The following SNX14 variants were observed in gnomAD, a reference collection of about 807,000 sequenced individuals.
The protein encoded by SNX14 is sorting nexin-14.
Under a neutral mutation model 133.8 loss-of-function variants are expected in SNX14, and 93 were observed. The observed-to-expected ratio is 0.70, with a 90% CI of 0.59 to 0.83. The LOEUF (loss-of-function observed/expected upper bound fraction) is 0.83, where lower values mean the gene tolerates loss of function less well. Ranked by LOEUF, SNX14 falls within the 40% of genes least tolerant of loss-of-function variation. The pLI is 0.00. For synonymous variants in SNX14, 368 were observed against 365.6 expected, an observed-to-expected ratio of 1.01 and a Z score of -0.07; for missense variants, 945 against 1,094.9, an observed-to-expected ratio of 0.86 and a Z score of 1.93.
rs28415884 is a variant in SNX14 at position 85,552,152 on chromosome 6, T to C, written c.635-2273A>G. ...CCCGGGTTCACGCCATTCTCCTGCC[T>C]CAGCCTCCCAAGTAGCTGGGACTAC... On this transcript the variant is annotated intron_variant, in intron 7 of 28. Coordinates refer to ENST00000314673, the MANE Select transcript of SNX14 (RefSeq NM_153816.6). 7.4e-4 allele frequency among the ~76,000 whole-genome samples: 109 copies of C among 146,708 alleles called. No individual in the cohort carries two copies. In the East Asian group the frequency reaches 0.021, roughly 28 times the overall value.
At chr6:85,589,730 G>T (rs544325771) in intron 1 of SNX14, 10 of 152,300 alleles carry the variant, frequency 6.6e-5, no homozygotes, top group African/African-American at 2.4e-4. Context: ...ATCCTGTGAG[G>T]TCACGCACAA....
rs568499328 is a variant in SNX14, at chr6:85,533,657, C to A, written c.1752G>T (p.Glu584Asp). 12 of 1,613,272 alleles carry A rather than the reference C, an allele frequency of 7.4e-6. No homozygotes were observed. In the African/African-American group the frequency reaches 1.2e-4, roughly 16 times the overall value. ...AAAACACAGGAATTCTTTCTTTTTT[C>A]TCCTTCCTTTCAGAGGAGGGATCCT... ...FFEDPSSERK[E>D]KKERIPVFCI... The change falls in exon 18 of 29, where the codon GAG (glutamate) becomes GAT (aspartate). Residue 584 changes from glutamate to aspartate, a missense_variant. Glu to Asp is a conservative substitution (Grantham distance 45). Coordinates refer to ENST00000314673, the MANE Select transcript of SNX14 (RefSeq NM_153816.6).
At chr6:85,512,298 G>C (rs1464189885) in intron 26 of SNX14, among the ~76,000 whole-genome samples, 1 of 152,100 alleles carries the variant, frequency 6.6e-6, no homozygotes, top group Non-Finnish European at 1.5e-5. Flanking sequence ...TGGGATCTTG[G>C]TCAAGGCCCT....
chr6:85,588,415 T>C (rs1422440949), intron 1 of SNX14, among the ~76,000 whole-genome samples: 1 of 150,156 alleles, frequency 6.7e-6, no homozygotes, highest in Non-Finnish European at 1.5e-5. Flanking sequence ...CTACTAAAAA[T>C]ACAAAAAAAA....
chr6:85,514,270 A>G lies in SNX14; in HGVS notation c.2393-36T>C, dbSNP rs1366477520. ...ATCAAATGGGATACCTCATTGTTCC[A>G]GATGAATTGGTATTTTTGAAATTTG... is the stretch of plus-strand genomic sequence containing the variant. On this transcript the variant is annotated intron_variant, in intron 24 of 28. Transcript: ENST00000314673. 5 of 1,571,024 alleles carry G rather than the reference A, an allele frequency of 3.2e-6. No homozygotes were observed. The African/African-American group carries it at 6.9e-5, about 22-fold the overall frequency.
chr6:85,547,234 TAA>T lies in SNX14; in HGVS notation c.994-10_994-9del, dbSNP rs776105101. 2.5e-6 allele frequency: 4 copies of T among 1,612,986 alleles called. No homozygotes were observed. In the Admixed American group the frequency reaches 5.0e-5, roughly 20 times the overall value. Reference sequence around the variant, plus strand: ...CAATTCTAACTTCAGCACCTTGATATAAGAGAAAGATTAAGTTTAAGCTATAT... The same window carrying T: ...CAATTCTAACTTCAGCACCTTGATATGAGAAAGATTAAGTTTAAGCTATAT... On this transcript the variant is annotated splice_polypyrimidine_tract_variant and intron_variant, in intron 11 of 28. Transcript: ENST00000314673.
intron 24 of SNX14, 87 bp from the exon 25 acceptor site, chr6:85,514,321 T>G (rs1167959947): frequency 1.2e-5 from 18 of 1,511,296 alleles, no homozygotes; most frequent in Non-Finnish European, 1.5e-5. Context: ...CAAATGACCA[T>G]GGTCAATATT....
chr6:85,585,070 T>A (rs532558310), intron 1 of SNX14, among the ~76,000 whole-genome samples: 1 of 152,096 alleles, frequency 6.6e-6, no homozygotes, highest in East Asian at 1.9e-4. Context: ...AAAGGATGAG[T>A]TCATGTCCTT....
intron 1 of SNX14, among the ~76,000 whole-genome samples, chr6:85,592,109 CA>C (rs1472485562): frequency 1.3e-5 from 2 of 152,194 alleles, no homozygotes; most frequent in Non-Finnish European, 2.9e-5. Flanking sequence ...TGACAGAAAG[CA>C]AATAATAATT....
At position 85,570,850 on chromosome 6, in the gene SNX14, C is replaced by T. The variant is rs547954578; in HGVS notation, c.417+1287G>A. On this transcript the variant is annotated intron_variant, in intron 4 of 28. Coordinates refer to ENST00000314673, the MANE Select transcript of SNX14 (RefSeq NM_153816.6). ...CCTGGGTGACAGAGCGAGATTCCGT[C>T]TCAAAAAAAAAAGAAACTTTACATT... Among the ~76,000 whole-genome samples, 13 of 151,134 alleles carry T rather than the reference C, an allele frequency of 8.6e-5. No individual in the cohort carries two copies. The South Asian group carries it at 2.7e-3, about 32-fold the overall frequency.
At chr6:85,510,307 T>C (rs1263505993) in intron 26 of SNX14, among the ~76,000 whole-genome samples, 1 of 152,234 alleles carries the variant, frequency 6.6e-6, no homozygotes, top group African/African-American at 2.4e-5. Context: ...GTGTTGGTGT[T>C]CTGGATCTGG....
intron 1 of SNX14, among the ~76,000 whole-genome samples, chr6:85,583,802 C>G (rs34936540): frequency 6.6e-6 from 1 of 152,006 alleles, no homozygotes; most frequent in Non-Finnish European, 1.5e-5. Context: ...GAATCAATAT[C>G]GTGAAAATGG....
chr6:85,578,044 G>A (rs1039458508), intron 1 of SNX14, among the ~76,000 whole-genome samples: 21 of 152,142 alleles, frequency 1.4e-4, no homozygotes, highest in African/African-American at 4.8e-4. Flanking sequence ...GTAACTGGAG[G>A]GGGAGAGTAA....
rs991280242 is a variant in SNX14 at position 85,528,265 on chromosome 6, T to C, written c.1992A>G (p.Leu664=). The change falls in exon 20 of 29, where the codon CTA becomes CTG. Residue 664 remains leucine (L), a synonymous_variant. Coordinates refer to ENST00000314673, the MANE Select transcript of SNX14 (RefSeq NM_153816.6). ...ATTAATACAGTTGATGTTATACCTG[T>C]AGATATTCTTGGAACTCTTCCCTCT... ...KSKREEFQEY[L]QKLLQHPELS... 1.3e-5 allele frequency: 21 copies of C among 1,604,280 alleles called. No individual in the cohort carries two copies. Among genetic ancestry groups the C allele is most frequent in the African/African-American group, 2.7e-5 (2 of 74,704 alleles).
chr6:85,537,345 G>T (rs1229993752), intron 16 of SNX14, among the ~76,000 whole-genome samples: 2 of 150,580 alleles, frequency 1.3e-5, no homozygotes, highest in African/African-American at 4.9e-5. Flanking sequence ...AAAATTATGC[G>T]ACAGAAAAAA....
In SNX14 at chr6:85,574,247, CAT is replaced by C; in HGVS notation, c.261+9_261+10del. Reference sequence around the variant, plus strand: ...ACATTGATTCTTAACAATAAGAACACATAATTTTACCTTGGGTTTGTATTTTA... The same window carrying C: ...ACATTGATTCTTAACAATAAGAACACAATTTTACCTTGGGTTTGTATTTTA... On this transcript the variant is annotated intron_variant, in intron 2 of 28. Coordinates refer to ENST00000314673, the MANE Select transcript of SNX14 (RefSeq NM_153816.6). 2 of 1,561,586 alleles carry C rather than the reference CAT, an allele frequency of 1.3e-6. No homozygotes were observed. Among genetic ancestry groups the C allele is most frequent in the Non-Finnish European group, 8.7e-7 (1 of 1,144,910 alleles).
chr6:85,543,321 CT>C lies in SNX14; in HGVS notation c.1265-16del. 6.5e-7 allele frequency: 1 copy of C among 1,548,306 alleles called. No individual in the cohort carries two copies. The highest frequency in any genetic ancestry group is 8.7e-7 in the Non-Finnish European group (1 of 1,153,676). The stretch of plus-strand genomic sequence containing the variant: ...GCCTTCAGCAACTATTAAAAAAATT[CT>C]ACTGTAGAAATTATTTATAAATAGC... On this transcript the variant is annotated splice_polypyrimidine_tract_variant and intron_variant, in intron 13 of 28. Transcript: ENST00000314673.
chr6:85,551,226 C>G (rs148600719), intron 7 of SNX14, among the ~76,000 whole-genome samples: 141 of 152,316 alleles, frequency 9.3e-4, no homozygotes, highest in African/African-American at 3.4e-3. Flanking sequence ...GCCACCATAG[C>G]TCGTGAGGAA....
At chr6:85,545,476 A>G (rs2128085948) in intron 12 of SNX14, among the ~76,000 whole-genome samples, 1 of 152,334 alleles carries the variant, frequency 6.6e-6, no homozygotes, top group South Asian at 2.1e-4. Flanking sequence ...AAATATAAAG[A>G]AAGATGATGT....
Sources: allele counts gnomAD v4.1 joint callset (sites outside exome capture counted in the v4.1 genomes callset), GRCh38; gene constraint gnomAD v4.1.1; transcripts MANE v1.5; gene names NCBI Gene and HGNC (gene_info 2026-07-23, HGNC 2026-07-21).